The following CDC20B variants were observed in gnomAD, a reference collection of about 807,000 sequenced individuals.
CDC20B encodes the protein cell division cycle 20B, also known as cell division cycle protein 20 homolog B.
CDC20B carries 58 observed loss-of-function variants against 64.1 expected under a neutral mutation model. The observed-to-expected ratio is 0.90, with a 90% confidence interval of 0.73 to 1.13. CDC20B has a LOEUF of 1.13. CDC20B is among the 50% of genes most tolerant of loss of function. CDC20B has a pLI of 0.00. For synonymous variants in CDC20B, 243 were observed against 230.6 expected, an observed-to-expected ratio of 1.05 and a Z score of -0.49; for missense variants, 597 against 633.0, an observed-to-expected ratio of 0.94 and a Z score of 0.61.
intron 2 of CDC20B, among the ~76,000 whole-genome samples, chr5:55,159,011 T>G (rs541790731): frequency 1.1e-4 from 16 of 152,280 alleles, no homozygotes; most frequent in African/African-American, 2.9e-4. Flanking sequence ...CAATTTTTGC[T>G]TTTTTCCCTC....
chr5:55,119,744 C>G (rs193137296), intron 11 of CDC20B, 57 bp downstream of exon 11: 12 of 1,069,446 alleles, frequency 1.1e-5, no homozygotes, highest in Admixed American at 7.3e-5. Context: ...GCTTTTCCCC[C>G]CAACAACAGC....
At chr5:55,144,105 C>A (rs1197983867) in intron 3 of CDC20B, among the ~76,000 whole-genome samples, 12 of 152,054 alleles carry the variant, frequency 7.9e-5, no homozygotes, top group Non-Finnish European at 1.3e-4. Context: ...TATGGTCATC[C>A]TGCAAGGAAA....
chr5:55,160,487 T>A (rs997516701), intron 2 of CDC20B: 1 of 955,404 alleles, frequency 1.0e-6, no homozygotes, highest in African/African-American at 1.6e-5. Flanking sequence ...TGTTACATGG[T>A]CATAAGTTGG....
intron 8 of CDC20B, among the ~76,000 whole-genome samples, chr5:55,126,658 T>C (rs1162366612): frequency 6.6e-6 from 1 of 152,102 alleles, no homozygotes; most frequent in East Asian, 1.9e-4. Flanking sequence ...AAATCACTAG[T>C]TCTCAAAGGG....
In CDC20B at chr5:55,124,548, T is replaced by A. The variant is rs185394315; in HGVS notation, c.1215+255A>T. Among the ~76,000 whole-genome samples the A allele has an allele frequency of 5.3e-5, 8 of 152,278 alleles. No individual in the cohort carries two copies. The East Asian group carries it at 1.5e-3, about 29-fold the overall frequency. ...CTGTATGTACCCAGGACTCCAAAGT[T>A]ACATGAAAAAAATAGATTTACTTTT... On this transcript the variant is annotated intron_variant, in intron 9 of 11. Coordinates refer to ENST00000381375, the MANE Select transcript of CDC20B (RefSeq NM_001170402.1).
intron 2 of CDC20B, among the ~76,000 whole-genome samples, chr5:55,156,495 T>C (rs1405607796): frequency 6.6e-6 from 1 of 152,196 alleles, no homozygotes; most frequent in Non-Finnish European, 1.5e-5. Context: ...CTTGGCTGAG[T>C]TAACTGCTCC....
intron 2 of CDC20B, among the ~76,000 whole-genome samples, chr5:55,153,260 AAAAG>A (rs1167477445): frequency 1.3e-5 from 2 of 151,610 alleles, no homozygotes; most frequent in African/African-American, 2.4e-5. Context: ...AAAAAAAAAA[AAAAG>A]AACAATTTTC....
intron 2 of CDC20B, chr5:55,172,296 A>T (rs35770269): frequency 0.27 from 88,250 of 325,882 alleles, 13,700 homozygotes; most frequent in East Asian, 0.37. Flanking sequence ...TGCAACTAGC[A>T]ACTGTTAAAA....
chr5:55,162,162 G>A (rs528184940), intron 2 of CDC20B, among the ~76,000 whole-genome samples: 4 of 150,530 alleles, frequency 2.7e-5, no homozygotes, highest in South Asian at 2.1e-4. Context: ...TTAGGAGGCC[G>A]AGGCAGGCAG....
intron 2 of CDC20B, among the ~76,000 whole-genome samples, chr5:55,171,198 A>G (rs372327112): frequency 2.6e-5 from 4 of 152,178 alleles, no homozygotes; most frequent in African/African-American, 9.7e-5. Flanking sequence ...CTGTAATCCC[A>G]GCTACTCAGG....
intron 4 of CDC20B, among the ~76,000 whole-genome samples, chr5:55,141,251 TG>T (rs570498900): frequency 1.2e-4 from 18 of 152,208 alleles, no homozygotes; most frequent in Non-Finnish European, 2.4e-4. Context: ...CACACACAGC[TG>T]CAAGACTGGC....
At position 55,173,015 on chromosome 5, in the gene CDC20B, GC is replaced by G. The variant is rs780375605; in HGVS notation, c.-16del. 2.3e-5 allele frequency: 37 copies of G among 1,605,830 alleles called. No homozygotes were observed. Among genetic ancestry groups the G allele is most frequent in the Non-Finnish European group, 2.7e-5 (32 of 1,176,338 alleles). On this transcript the variant is annotated 5_prime_UTR_variant, in exon 1 of 12. Transcript: ENST00000381375. Reference sequence around the variant, plus strand: ...TTCCACTCCATCTCCGGCTGACTTCGCCCTGCCTGGCGTTTGGCCTCTCTGC... The same window carrying G: ...TTCCACTCCATCTCCGGCTGACTTCGCCTGCCTGGCGTTTGGCCTCTCTGC...
chr5:55,127,880 TGCAG>T (rs1156697721), intron 7 of CDC20B, among the ~76,000 whole-genome samples: 3 of 152,182 alleles, frequency 2.0e-5, no homozygotes, highest in Non-Finnish European at 4.4e-5. Context: ...TCATTATCAT[TGCAG>T]AGATGAGAAA....
chr5:55,166,468 T>C (rs906495080), intron 2 of CDC20B: 1 of 152,180 alleles, frequency 6.6e-6, no homozygotes, highest in Non-Finnish European at 1.5e-5. Flanking sequence ...GTCATACATA[T>C]TGCCTTGAAA....
Position 55,133,430 on chromosome 5 carries a change from C to T in CDC20B, c.679G>A (p.Gly227Ser). ...AACTTACAGTAGTCATTTCGAAGAC[C>T]AGTAATATGAATCTTCACCTCTGGT... ...LQPEVKIHIT[G>S]LRNDYYLNIL... The change falls in exon 6 of 12, where the codon GGT becomes AGT. Residue 227 changes from glycine (G) to serine (S), a missense_variant. Coordinates refer to ENST00000381375, the MANE Select transcript of CDC20B (RefSeq NM_001170402.1). The T allele has an allele frequency of 6.5e-7, 1 of 1,549,526 alleles. No individual in the cohort carries two copies. The highest frequency in any genetic ancestry group is 8.8e-7 in the Non-Finnish European group (1 of 1,134,026).
rs997032671 is a variant in CDC20B at position 55,133,449 on chromosome 5, C to T, written c.660G>A (p.Glu220=). ...GDINDSILQP[E]VKIHITGLRN... is the part of the protein sequence containing the mutation. ...GAAGACCAGTAATATGAATCTTCAC[C>T]TCTGGTTGGAGTATGGAATCGTTTA... The change falls in exon 6 of 12, where the codon GAG becomes GAA. Residue 220 remains glutamate (E), a synonymous_variant. Coordinates refer to ENST00000381375, the MANE Select transcript of CDC20B (RefSeq NM_001170402.1). 1.3e-6 allele frequency: 2 copies of T among 1,577,116 alleles called. No homozygotes were observed. Among genetic ancestry groups the T allele is most frequent in the Non-Finnish European group, 1.7e-6 (2 of 1,154,224 alleles).
At chr5:55,157,215 G>A (rs969630757) in intron 2 of CDC20B, among the ~76,000 whole-genome samples, 1 of 152,192 alleles carries the variant, frequency 6.6e-6, no homozygotes, top group African/African-American at 2.4e-5. Flanking sequence ...AGAGAAATGT[G>A]CCATTTTGAT....
chr5:55,120,955 G>A (rs1168875053), intron 9 of CDC20B, among the ~76,000 whole-genome samples: 1 of 152,146 alleles, frequency 6.6e-6, no homozygotes, highest in Non-Finnish European at 1.5e-5. Context: ...GTGTCCTTAT[G>A]TTCCAGGTAG....
At chr5:55,153,106 G>A (rs142277886) in intron 2 of CDC20B, among the ~76,000 whole-genome samples, 1 of 152,000 alleles carries the variant, frequency 6.6e-6, no homozygotes, top group Non-Finnish European at 1.5e-5. Flanking sequence ...GGGCACGGTG[G>A]TGTGTGCCTA....
Sources: allele counts gnomAD v4.1 joint callset (sites outside exome capture counted in the v4.1 genomes callset), GRCh38; gene constraint gnomAD v4.1.1; transcripts MANE v1.5; gene names NCBI Gene and HGNC (gene_info 2026-07-23, HGNC 2026-07-21).